Variants in PUS7 observed in about 807,000 individuals in gnomAD.
The protein encoded by PUS7 is pseudouridylate synthase 7 homolog.
Under a neutral mutation model 79.8 loss-of-function variants are expected in PUS7, and 48 were observed. That is an observed-to-expected ratio of 0.60 (90% confidence interval 0.48 to 0.76). PUS7 has a LOEUF of 0.76. PUS7 is among the 30% of genes least tolerant of loss of function. The pLI is 0.00. For synonymous variants in PUS7, 286 were observed against 272.2 expected, an observed-to-expected ratio of 1.05 and a Z score of -0.50; for missense variants, 729 against 797.6, an observed-to-expected ratio of 0.91 and a Z score of 1.04.
rs575357191 is a variant in PUS7 at position 105,458,404 on chromosome 7, G to A, written c.1850-478C>T. On this transcript the variant is annotated intron_variant, in intron 15 of 15. Coordinates refer to ENST00000469408, the MANE Select transcript of PUS7 (RefSeq NM_019042.5). ...GCCTCCTGAGTAGCTGGGATTACAG[G>A]TGCCCACCACCACGCCCGCCTAATT... Among the ~76,000 whole-genome samples the A allele has an allele frequency of 3.3e-3, 502 of 151,618 alleles. 5 individuals are homozygous for A. The South Asian group carries it at 0.035, about 11-fold the overall frequency.
chr7:105,503,298 T>G (rs1333720758), intron 4 of PUS7, among the ~76,000 whole-genome samples: 1 of 152,146 alleles, frequency 6.6e-6, no homozygotes, highest in Non-Finnish European at 1.5e-5. Context: ...TACATGAAAA[T>G]GCAGGCAAAG....
intron 9 of PUS7, among the ~76,000 whole-genome samples, chr7:105,478,513 TAAG>T (rs1397980625): frequency 6.6e-6 from 1 of 152,240 alleles, no homozygotes; most frequent in African/African-American, 2.4e-5. Context: ...TCCTAGTGGG[TAAG>T]AAGTGGCATC....
At chr7:105,498,987 CT>C (rs1340262175) in intron 5 of PUS7, among the ~76,000 whole-genome samples, 2 of 152,090 alleles carry the variant, frequency 1.3e-5, no homozygotes, top group African/African-American at 4.8e-5. Flanking sequence ...AAAGCCTAAC[CT>C]ATGTTCCCCT....
At chr7:105,470,664 C>G (rs776548127) in intron 11 of PUS7, 24 bp downstream of exon 11, 3 of 1,540,550 alleles carry the variant, frequency 1.9e-6, no homozygotes, top group Non-Finnish European at 1.8e-6. Context: ...TGAGCCATTG[C>G]CTGACTTCAC....
chr7:105,516,673 C>T (rs896691478), intron 1 of PUS7, among the ~76,000 whole-genome samples: 5 of 151,768 alleles, frequency 3.3e-5, no homozygotes, highest in African/African-American at 1.2e-4. Context: ...AGGCTGGTCT[C>T]GAACTCCTGA....
At chr7:105,512,325 C>T (rs1374001782) in intron 1 of PUS7, among the ~76,000 whole-genome samples, 1 of 152,014 alleles carries the variant, frequency 6.6e-6, no homozygotes, top group African/African-American at 2.4e-5. Context: ...AAAAAAAGAA[C>T]GCTGGTTTAT....
At chr7:105,468,595 G>A in intron 11 of PUS7, 132 bp from the exon 12 acceptor site, 2 of 719,748 alleles carry the variant, frequency 2.8e-6, no homozygotes, top group Non-Finnish European at 4.3e-6. Flanking sequence ...TAGGCTCATT[G>A]TAGCCTCCAC....
intron 1 of PUS7, among the ~76,000 whole-genome samples, chr7:105,518,063 G>A (rs529228807): frequency 5.9e-5 from 9 of 151,862 alleles, no homozygotes; most frequent in Admixed American, 5.2e-4. Context: ...CAGGAGAATC[G>A]CTTGAACTGG....
chr7:105,486,345 A>G (rs1009040798), intron 7 of PUS7, among the ~76,000 whole-genome samples: 6 of 151,988 alleles, frequency 3.9e-5, no homozygotes, highest in Non-Finnish European at 5.9e-5. Context: ...GAGCCACCGC[A>G]CCCAGCTGTA....
chr7:105,457,983 G>C (rs891890965), intron 15 of PUS7, 57 bp from the exon 16 acceptor site: 2 of 1,573,082 alleles, frequency 1.3e-6, no homozygotes, highest in African/African-American at 2.7e-5. Flanking sequence ...ACAGACCAGC[G>C]AGAGTCACAT....
At chr7:105,499,390 A>T (rs1825160113) in intron 5 of PUS7, among the ~76,000 whole-genome samples, 1 of 152,168 alleles carries the variant, frequency 6.6e-6, no homozygotes, top group Admixed American at 6.5e-5. Flanking sequence ...CCTGGGGACC[A>T]TTCATTTCAG....
In PUS7 at chr7:105,462,645, A is replaced by G; in HGVS notation, c.1733T>C (p.Ile578Thr). ...YSLSGAYRKI[I>T]IRPQNVSWEV... ...CCAGCTAACATTCTGAGGACGAATA[A>G]TGATCTTTCGGTAGGCCCCTGACAA... Residue 578 changes from isoleucine to threonine, a missense_variant, in exon 14 of 16, where the codon ATT becomes ACT. Transcript: ENST00000469408. The G allele has an allele frequency of 6.2e-7, 1 of 1,613,894 alleles. No homozygotes were observed. Among genetic ancestry groups the G allele is most frequent in the South Asian group, 1.1e-5 (1 of 91,056 alleles).
At chr7:105,470,080 T>TA (rs1327944369) in intron 11 of PUS7, among the ~76,000 whole-genome samples, 2 of 152,174 alleles carry the variant, frequency 1.3e-5, no homozygotes, top group Admixed American at 6.5e-5. Flanking sequence ...ATTCCACGGT[T>TA]AAAGAGAGAA....
chr7:105,502,013 C>G (rs796891395), intron 5 of PUS7, among the ~76,000 whole-genome samples: 1 of 149,510 alleles, frequency 6.7e-6, no homozygotes, highest in South Asian at 2.1e-4. Context: ...AAAAAATGTG[C>G]CACTGGGATA....
chr7:105,460,416 T>C (rs1170437060), intron 14 of PUS7, among the ~76,000 whole-genome samples: 1 of 152,112 alleles, frequency 6.6e-6, no homozygotes, highest in East Asian at 1.9e-4. Flanking sequence ...GTGGACCTCT[T>C]GCCTATACTC....
chr7:105,506,401 A>T, intron 2 of PUS7, 128 bp from the exon 3 acceptor site: 1 of 656,190 alleles, frequency 1.5e-6, no homozygotes, highest in Non-Finnish European at 2.6e-6. Context: ...CTTCAGTGCA[A>T]AATCACATGG....
intron 13 of PUS7, among the ~76,000 whole-genome samples, chr7:105,464,712 C>CT (rs1471328958): frequency 1.3e-5 from 2 of 152,048 alleles, no homozygotes; most frequent in Non-Finnish European, 2.9e-5. Context: ...CTAAACCATT[C>CT]TGCTGGCTTT....
intron 7 of PUS7, among the ~76,000 whole-genome samples, chr7:105,487,528 G>A (rs560561525): frequency 1.3e-5 from 2 of 152,262 alleles, no homozygotes; most frequent in South Asian, 4.1e-4. Flanking sequence ...ACTATACTCA[G>A]TTCTGGTTGG....
intron 1 of PUS7, among the ~76,000 whole-genome samples, chr7:105,512,838 T>C (rs1434383370): frequency 6.6e-6 from 1 of 152,168 alleles, no homozygotes; most frequent in African/African-American, 2.4e-5. Flanking sequence ...AAGAAATTAA[T>C]ATAATCTGAT....
Sources: allele counts gnomAD v4.1 joint callset (sites outside exome capture counted in the v4.1 genomes callset), GRCh38; gene constraint gnomAD v4.1.1; transcripts MANE v1.5; gene names NCBI Gene and HGNC (gene_info 2026-07-23, HGNC 2026-07-21).